The following MIER1 variants were observed in gnomAD, a reference collection of about 807,000 sequenced individuals.
MIER1 encodes the protein mesoderm induction early response protein 1.
In MIER1, 40 loss-of-function variants were observed where a neutral mutation model predicts 75.7. The ratio of observed to expected loss-of-function variants is 0.53; its 90% confidence interval spans 0.41 to 0.69. The LOEUF (loss-of-function observed/expected upper bound fraction) is 0.69, where lower values mean the gene tolerates loss of function less well. MIER1 is among the 30% of genes least tolerant of loss of function. The pLI, the probability that MIER1 is intolerant of heterozygous loss-of-function variation, is 0.00. For synonymous variants in MIER1, 213 were observed against 223.4 expected (o/e 0.95, Z 0.42); for missense variants, 574 against 680.2 (o/e 0.84, Z 1.74).
At chr1:66,931,401 G>A (rs189713540) in intron 2 of MIER1, among the ~76,000 whole-genome samples, 7 of 152,256 alleles carry the variant, frequency 4.6e-5, no homozygotes, top group African/African-American at 1.4e-4. Flanking sequence ...AGTTCGAGAT[G>A]ATGTATTTGG....
chr1:66,928,175 A>G (rs1436405157), intron 2 of MIER1, among the ~76,000 whole-genome samples: 2 of 152,112 alleles, frequency 1.3e-5, no homozygotes, highest in African/African-American at 4.8e-5. Context: ...AATAATAATA[A>G]TACCATTTAA....
At chr1:66,977,089 A>G (rs1172943493) in intron 12 of MIER1, among the ~76,000 whole-genome samples, 3 of 152,064 alleles carry the variant, frequency 2.0e-5, no homozygotes, top group African/African-American at 7.2e-5. Flanking sequence ...TCCATTCAGT[A>G]TAAGCACATA....
intron 4 of MIER1, chr1:66,947,342 C>G (rs554699770): frequency 4.7e-4 from 71 of 152,224 alleles, no homozygotes; most frequent in African/African-American, 1.7e-3. Flanking sequence ...AAATGGACAT[C>G]TCTAAATTAT....
rs1202021672 is a variant in MIER1 at position 66,985,431 on chromosome 1, A to G, written c.*531A>G. On this transcript the variant is annotated 3_prime_UTR_variant, in exon 14 of 14. Coordinates refer to ENST00000401041, the MANE Select transcript of MIER1 (RefSeq NM_001077700.3). The stretch of plus-strand genomic sequence containing the variant: ...CCTTACGAATCCTGAAAATTATGCT[A>G]GCATGATTTTTTTATATATAGAAGT... 1 of 983,334 alleles carries G rather than the reference A, an allele frequency of 1.0e-6. No homozygotes were observed. The highest frequency in any genetic ancestry group is 1.2e-6 in the Non-Finnish European group (1 of 827,998). The allele number at this position is 983,334 out of a possible 1,614,324, so 60.9% of individuals were successfully genotyped here. A position where few individuals can be genotyped will look rare whatever the true frequency, so the allele number is the denominator to read the frequency against.
chr1:66,981,011 T>A (rs114686654), intron 12 of MIER1, among the ~76,000 whole-genome samples: 5,980 of 152,278 alleles, frequency 0.039, 147 homozygotes, highest in Non-Finnish European at 0.054. Context: ...GGCTGACTTT[T>A]ATTCTAGTGG....
In MIER1 at chr1:66,985,020, T is replaced by G; in HGVS notation, c.*120T>G. 3 of 1,409,050 alleles carry G rather than the reference T, an allele frequency of 2.1e-6. No individual in the cohort carries two copies. Among genetic ancestry groups the G allele is most frequent in the Non-Finnish European group, 1.8e-6 (2 of 1,081,660 alleles). 87.3% of individuals were successfully genotyped at this position (1,409,050 alleles called of 1,614,324 possible). A position where few individuals can be genotyped will look rare whatever the true frequency, so the allele number is the denominator to read the frequency against. On this transcript the variant is annotated 3_prime_UTR_variant, in exon 14 of 14. Coordinates refer to ENST00000401041, the MANE Select transcript of MIER1 (RefSeq NM_001077700.3). The stretch of plus-strand genomic sequence containing the variant: ...GCAGTTTGAAAATTTGAATTGAGTC[T>G]TAACTTTAGGAAATGAGGTTTCATA...
intron 3 of MIER1, among the ~76,000 whole-genome samples, chr1:66,945,267 G>GTATATA (rs66525570): frequency 2.3e-4 from 32 of 141,878 alleles, no homozygotes; most frequent in South Asian, 4.3e-4. Context: ...TCTGGTGTGT[G>GTATATA]TATATATATA....
intron 4 of MIER1, chr1:66,946,714 T>C (rs1159331518): frequency 3.0e-6 from 3 of 986,288 alleles, no homozygotes; most frequent in Non-Finnish European, 3.6e-6. Context: ...CTCCACTACA[T>C]AAAGTGCTCT....
chr1:66,968,039 A>G (rs1662781883), intron 8 of MIER1, among the ~76,000 whole-genome samples: 2 of 152,094 alleles, frequency 1.3e-5, no homozygotes, highest in African/African-American at 4.8e-5. Context: ...TTCTAACTTA[A>G]TATTTTCCAT....
In MIER1 at chr1:66,985,849, TAAGGGCAAG is replaced by T; in HGVS notation, c.*950_*958del. 1.2e-6 allele frequency: 1 copy of T among 810,772 alleles called. No homozygotes were observed. The highest frequency in any genetic ancestry group is 6.3e-5 in the Admixed American group (1 of 15,756). The allele number at this position is 810,772 out of a possible 1,614,324, so 50.2% of individuals were successfully genotyped here. ...TTTTTTTTTTTTTTAAATTTCTACTTAAGGGCAAGTAATTTGAGAATTCTGAAATTAAGC... is the reference window on the plus strand; with the variant it reads ...TTTTTTTTTTTTTTAAATTTCTACTTTAATTTGAGAATTCTGAAATTAAGC... On this transcript the variant is annotated 3_prime_UTR_variant, in exon 14 of 14. Transcript: ENST00000401041.
At position 66,987,831 on chromosome 1, in the gene MIER1, G is replaced by A. The variant is rs1260811024; in HGVS notation, c.*2931G>A. ...TTGCACTACTTTTTCAGTGGTTCTTGGTCCCCTTTACCACATCTTGGGTGA... is the reference window on the plus strand; with the variant it reads ...TTGCACTACTTTTTCAGTGGTTCTTAGTCCCCTTTACCACATCTTGGGTGA... On this transcript the variant is annotated 3_prime_UTR_variant, in exon 14 of 14. Coordinates refer to ENST00000401041, the MANE Select transcript of MIER1 (RefSeq NM_001077700.3). 1 of 151,976 alleles carries A rather than the reference G, an allele frequency of 6.6e-6. No individual in the cohort carries two copies. The highest frequency in any genetic ancestry group is 1.5e-5 in the Non-Finnish European group (1 of 67,914). 9.4% of individuals were successfully genotyped at this position (151,976 alleles called of 1,614,324 possible). A position where few individuals can be genotyped will look rare whatever the true frequency, so the allele number is the denominator to read the frequency against.
rs527443662 is a variant in MIER1 at position 66,952,074 on chromosome 1, CTTAG to C, written c.339+5783_339+5786del. On this transcript the variant is annotated intron_variant, in intron 4 of 13. Transcript: ENST00000401041. ...GGCACATAATAAACACAAAATAAAT[CTTAG>C]TTAATGTCATTCATAAGATTCTCAA... Among the ~76,000 whole-genome samples, 1,074 of 152,282 alleles carry C rather than the reference CTTAG, an allele frequency of 7.1e-3. 10 individuals are homozygous for C. Among genetic ancestry groups the C allele is most frequent in the African/African-American group, 0.024 (1,017 of 41,542 alleles).
chr1:66,931,931 A>T (rs1396117938), intron 2 of MIER1, among the ~76,000 whole-genome samples: 2 of 152,114 alleles, frequency 1.3e-5, no homozygotes, highest in Non-Finnish European at 2.9e-5. Flanking sequence ...TTCTTCTTTC[A>T]TGGTGTTGCT....
intron 2 of MIER1, among the ~76,000 whole-genome samples, chr1:66,936,786 G>A (rs1654956803): frequency 6.6e-6 from 1 of 151,546 alleles, no homozygotes; most frequent in Non-Finnish European, 1.5e-5. Flanking sequence ...GGATCACGAG[G>A]TCAGGAGATC....
At chr1:66,941,098 A>T (rs1656098836) in intron 3 of MIER1, among the ~76,000 whole-genome samples, 1 of 152,218 alleles carries the variant, frequency 6.6e-6, no homozygotes, top group Admixed American at 6.5e-5. Context: ...GCTTAACATA[A>T]GATAAGCCTG....
At chr1:66,973,064 T>A in intron 11 of MIER1, 73 bp downstream of exon 11, 1 of 793,156 alleles carries the variant, frequency 1.3e-6, no homozygotes, top group Non-Finnish European at 2.1e-6. Context: ...TATCGTAATT[T>A]GTTATATTGT....
intron 9 of MIER1, 33 bp downstream of exon 9, chr1:66,970,992 C>CGTATT (rs1663478874): frequency 6.5e-7 from 1 of 1,549,512 alleles, no homozygotes; most frequent in Non-Finnish European, 8.6e-7. Flanking sequence ...AGAACTTTGC[C>CGTATT]ATACACATTT....
chr1:66,928,166 A>G (rs1201809517), intron 2 of MIER1, among the ~76,000 whole-genome samples: 1 of 152,026 alleles, frequency 6.6e-6, no homozygotes, highest in African/African-American at 2.4e-5. Flanking sequence ...TTTTCCCTCA[A>G]TAATAATAAT....
intron 2 of MIER1, among the ~76,000 whole-genome samples, chr1:66,931,460 TA>T (rs1324132437): frequency 6.6e-6 from 1 of 152,196 alleles, no homozygotes; most frequent in Non-Finnish European, 1.5e-5. Context: ...TTTTGATTGA[TA>T]AGGCATTTCT....
Sources: allele counts gnomAD v4.1 joint callset (sites outside exome capture counted in the v4.1 genomes callset), GRCh38; gene constraint gnomAD v4.1.1; transcripts MANE v1.5; gene names NCBI Gene and HGNC (gene_info 2026-07-23, HGNC 2026-07-21).